TFEC: variants seen among roughly 807,000 people sequenced by gnomAD.
TFEC encodes the protein class E basic helix-loop-helix protein 34.
In TFEC, 31 loss-of-function variants were observed where a neutral mutation model predicts 41.6. That is an observed-to-expected ratio of 0.74 (90% confidence interval 0.56 to 1.01). The LOEUF (loss-of-function observed/expected upper bound fraction) is 1.01, where lower values mean the gene tolerates loss of function less well. Ranked by LOEUF, TFEC falls within the 50% of genes least tolerant of loss-of-function variation. The pLI is 0.00. For synonymous variants in TFEC, 143 were observed against 140.6 expected (o/e 1.02, Z -0.12); for missense variants, 402 against 404.1 (o/e 0.99, Z 0.04).
chr7:116,143,471 A>T (rs1798581102), intron 1 of TFEC, among the ~76,000 whole-genome samples: 1 of 152,174 alleles, frequency 6.6e-6, no homozygotes, highest in Non-Finnish European at 1.5e-5. Flanking sequence ...CCAGGACGAA[A>T]AGCTGAATGA....
At chr7:116,003,358 G>T (rs1288663283) in intron 1 of TFEC, among the ~76,000 whole-genome samples, 1 of 152,078 alleles carries the variant, frequency 6.6e-6, no homozygotes, top group Non-Finnish European at 1.5e-5. Context: ...AGACAGAGCA[G>T]GCCTCACAGC....
At chr7:116,005,563 G>A (rs1794756510) in intron 1 of TFEC, among the ~76,000 whole-genome samples, 2 of 152,206 alleles carry the variant, frequency 1.3e-5, no homozygotes, top group South Asian at 2.1e-4. Context: ...AAGCATTCAA[G>A]AGGTGACTTG....
At chr7:116,105,207 G>A (rs1181975122) in intron 3 of TFEC, among the ~76,000 whole-genome samples, 2 of 152,126 alleles carry the variant, frequency 1.3e-5, no homozygotes, top group Non-Finnish European at 2.9e-5. Context: ...GAGAAAGAGA[G>A]ACCAGGAGGC....
At chr7:116,073,796 G>T (rs1366300395) in intron 3 of TFEC, among the ~76,000 whole-genome samples, 1 of 151,764 alleles carries the variant, frequency 6.6e-6, no homozygotes, top group Non-Finnish European at 1.5e-5. Flanking sequence ...ATAAACATAG[G>T]TCAATGGACT....
chr7:116,001,338 G>A (rs1794586116), intron 1 of TFEC, among the ~76,000 whole-genome samples: 3 of 151,714 alleles, frequency 2.0e-5, no homozygotes. Context: ...TGAAACTACT[G>A]AAAAAAATTA....
At chr7:116,014,412 A>AT (rs1795114110) in intron 1 of TFEC, among the ~76,000 whole-genome samples, 1 of 152,136 alleles carries the variant, frequency 6.6e-6, no homozygotes, top group African/African-American at 2.4e-5. Context: ...AATATATGGA[A>AT]AATGTTTTAC....
chr7:116,063,415 A>G (rs7781365), intron 3 of TFEC, among the ~76,000 whole-genome samples: 144,936 of 152,200 alleles, frequency 0.95, 69,117 homozygotes, highest in Middle Eastern at 0.99. Context: ...TCAGGAGTTC[A>G]AGACTAGCCT....
chr7:116,114,532 G>A (rs567987322), intron 1 of TFEC, among the ~76,000 whole-genome samples: 9 of 152,144 alleles, frequency 5.9e-5, no homozygotes, highest in East Asian at 1.9e-4. Context: ...TTTGAGAGAT[G>A]TTCTGGATGC....
At chr7:115,979,694 A>G (rs2130643315) in intron 2 of TFEC, among the ~76,000 whole-genome samples, 1 of 152,236 alleles carries the variant, frequency 6.6e-6, no homozygotes, top group East Asian at 1.9e-4. Flanking sequence ...CACTCCTTCT[A>G]ACTACCATAC....
intron 1 of TFEC, among the ~76,000 whole-genome samples, chr7:116,156,611 G>T (rs1031757929): frequency 6.6e-5 from 10 of 152,106 alleles, no homozygotes; most frequent in East Asian, 1.9e-4. Flanking sequence ...CTATTTTTTT[G>T]TGTGTGTGAT....
chr7:115,967,388 A>G (rs1332598382), intron 3 of TFEC, among the ~76,000 whole-genome samples: 1 of 151,790 alleles, frequency 6.6e-6, no homozygotes, highest in Non-Finnish European at 1.5e-5. Context: ...AAAGGAAAAT[A>G]AACTTCATGT....
intron 3 of TFEC, among the ~76,000 whole-genome samples, chr7:116,095,861 C>G (rs1286196699): frequency 6.6e-6 from 1 of 152,112 alleles, no homozygotes; most frequent in Non-Finnish European, 1.5e-5. Context: ...CCCTTCCTCT[C>G]TTCCCTCCTA....
At chr7:116,031,315 TGTA>T (rs1362968222), upstream of TFEC, among the ~76,000 whole-genome samples, 1 of 152,150 alleles carries the variant, frequency 6.6e-6, no homozygotes, top group Non-Finnish European at 1.5e-5. Flanking sequence ...TATCTTCCCA[TGTA>T]GATTAAAAAT....
intron 2 of TFEC, among the ~76,000 whole-genome samples, chr7:115,980,284 C>T (rs942383536): frequency 9.9e-5 from 15 of 152,064 alleles, no homozygotes; most frequent in Non-Finnish European, 2.2e-4. Context: ...GTTTGAGGGC[C>T]TGAGAGATGA....
At chr7:115,946,693 CTCT>C (rs1791589945) in intron 6 of TFEC, among the ~76,000 whole-genome samples, 2 of 99,138 alleles carry the variant, frequency 2.0e-5, no homozygotes, top group South Asian at 6.6e-4. Flanking sequence ...TTTTTCTTTT[CTCT>C]TCTTTTCTTT....
Position 115,940,692 on chromosome 7 carries a change from T to G in TFEC, c.903A>C (p.Glu301Asp). The change falls in exon 8 of 8, where the codon GAA (glutamate) becomes GAC (aspartate). Residue 301 changes from glutamate to aspartate, a missense_variant. Physicochemically the swap from Glu to Asp is conservative, Grantham distance 45 (BLOSUM62 2). Coordinates refer to ENST00000265440, the MANE Select transcript of TFEC (RefSeq NM_012252.4). ...CCAATAGCATGCCATCCAATCTTTG[T>G]TCCTCTTTCAATGCAGCACTAAATG... ...DLSFSAALKEEQRLDGMLLDD... is the reference protein window; with the variant it reads ...DLSFSAALKEDQRLDGMLLDD... The G allele has an allele frequency of 1.2e-6, 2 of 1,613,610 alleles. No homozygotes were observed. Among genetic ancestry groups the G allele is most frequent in the East Asian group, 4.5e-5 (2 of 44,854 alleles).
chr7:116,039,449 GTC>G (rs931252053), intron 3 of TFEC, among the ~76,000 whole-genome samples: 4 of 98,564 alleles, frequency 4.1e-5, no homozygotes, highest in African/African-American at 1.1e-4. Flanking sequence ...GTGTGTGTGT[GTC>G]TGTGTGTGTG....
chr7:116,036,497 C>T (rs1448149346), intron 3 of TFEC, among the ~76,000 whole-genome samples: 1 of 152,018 alleles, frequency 6.6e-6, no homozygotes, highest in Non-Finnish European at 1.5e-5. Flanking sequence ...AGACCAAATA[C>T]CATCAGCATG....
At chr7:116,043,536 T>A (rs923266563) in intron 3 of TFEC, among the ~76,000 whole-genome samples, 1 of 152,194 alleles carries the variant, frequency 6.6e-6, no homozygotes, top group Admixed American at 6.5e-5. Flanking sequence ...AATAAGAGGT[T>A]CTCATCTTGC....
Sources: gnomAD v4.1 joint callset for allele counts (sites outside exome capture counted in the v4.1 genomes callset) on GRCh38, gnomAD v4.1.1 for gene constraint, MANE v1.5 for transcripts, NCBI Gene and HGNC (gene_info 2026-07-23, HGNC 2026-07-21) for gene names.